The following DLG2 variants were observed in gnomAD, a reference collection of about 807,000 sequenced individuals.
DLG2 encodes the protein discs large MAGUK scaffold protein 2, also known as disks large homolog 2.
Under a neutral mutation model 132.5 loss-of-function variants are expected in DLG2, and 45 were observed. The ratio of observed to expected loss-of-function variants is 0.34; its 90% CI spans 0.27 to 0.44. The LOEUF (loss-of-function observed/expected upper bound fraction) is 0.44, where lower values mean the gene tolerates loss of function less well. DLG2 is among the 20% of genes least tolerant of loss of function. The pLI is 1.00. For synonymous variants in DLG2, 424 were observed against 419.6 expected (o/e 1.01, Z -0.13); for missense variants, 1,045 against 1,196.9 (o/e 0.87, Z 1.87).
At position 85,469,019 on chromosome 11, in the gene DLG2, AAT is replaced by A. The variant is rs1271786718; in HGVS notation, c.40+129636_40+129637del. On this transcript the variant is annotated intron_variant, in intron 3 of 27. Coordinates refer to ENST00000376104, the MANE Select transcript of DLG2 (RefSeq NM_001142699.3). ...CACTCTTTCCTTTATTACTCCATTC[AAT>A]ATATGTTTATTGAGTGCACGTACTC... 2.0e-5 allele frequency among the ~76,000 whole-genome samples: 3 copies of A among 152,300 alleles called. No homozygotes were observed. The East Asian group carries it at 5.8e-4, about 29-fold the overall frequency.
At chr11:84,414,710 C>T (rs996759255) in intron 7 of DLG2, among the ~76,000 whole-genome samples, 4 of 152,048 alleles carry the variant, frequency 2.6e-5, no homozygotes, top group South Asian at 2.1e-4. Context: ...TAATATTATG[C>T]GACTATTTAC....
intron 5 of DLG2, among the ~76,000 whole-genome samples, chr11:85,148,953 A>T (rs1469337931): frequency 6.6e-6 from 1 of 152,176 alleles, no homozygotes; most frequent in Non-Finnish European, 1.5e-5. Flanking sequence ...GTCAAGTTTC[A>T]GTTTTCTGCC....
intron 6 of DLG2, among the ~76,000 whole-genome samples, chr11:84,698,508 C>A (rs566086810): frequency 6.6e-6 from 1 of 151,412 alleles, no homozygotes; most frequent in Admixed American, 6.6e-5. Flanking sequence ...AAAATACAAT[C>A]GACTTTTTGG....
At chr11:83,809,744 T>A (rs989679502) in intron 17 of DLG2, among the ~76,000 whole-genome samples, 2 of 152,104 alleles carry the variant, frequency 1.3e-5, no homozygotes, top group African/African-American at 2.4e-5. Context: ...CTTAAAAGTA[T>A]GAAATAAGTA....
intron 6 of DLG2, among the ~76,000 whole-genome samples, chr11:85,097,544 C>A (rs190795243): frequency 3.9e-4 from 59 of 152,312 alleles, no homozygotes; most frequent in African/African-American, 1.4e-3. Flanking sequence ...AAGACTCAGG[C>A]TGTTTAACAA....
At chr11:84,640,183 C>A (rs566989943) in intron 6 of DLG2, 14 of 267,380 alleles carry the variant, frequency 5.2e-5, no homozygotes, top group African/African-American at 2.6e-4. Context: ...ACAGAAAAGA[C>A]CTGGCTACTG....
At chr11:83,903,013 T>A (rs931387938) in intron 15 of DLG2, among the ~76,000 whole-genome samples, 1 of 152,158 alleles carries the variant, frequency 6.6e-6, no homozygotes, top group Non-Finnish European at 1.5e-5. Flanking sequence ...ATACAACAAA[T>A]CATATCTCCA....
chr11:84,402,878 T>C (rs1435977350), intron 7 of DLG2, among the ~76,000 whole-genome samples: 2 of 35,536 alleles, frequency 5.6e-5, no homozygotes, highest in Non-Finnish European at 9.7e-5. Flanking sequence ...CGAAACTCCG[T>C]CTCAAAAAAA....
chr11:85,481,965 C>T (rs1286932413), intron 3 of DLG2, among the ~76,000 whole-genome samples: 1 of 152,100 alleles, frequency 6.6e-6, no homozygotes, highest in African/African-American at 2.4e-5. Context: ...GTCTACAGAG[C>T]AAATTTGAGC....
intron 3 of DLG2, among the ~76,000 whole-genome samples, chr11:85,361,518 G>C (rs547130953): frequency 6.6e-6 from 1 of 152,036 alleles, no homozygotes; most frequent in East Asian, 1.9e-4. Flanking sequence ...CCATGTGTAC[G>C]CATTGTTTAG....
At chr11:83,921,523 G>A (rs2077909128) in intron 15 of DLG2, among the ~76,000 whole-genome samples, 1 of 152,118 alleles carries the variant, frequency 6.6e-6, no homozygotes, top group Admixed American at 6.6e-5. Flanking sequence ...TTCTGGAATA[G>A]CGCATAGCAC....
intron 9 of DLG2, among the ~76,000 whole-genome samples, chr11:84,114,166 T>A (rs1339149939): frequency 1.3e-5 from 2 of 152,008 alleles, no homozygotes; most frequent in African/African-American, 2.4e-5. Context: ...TTATAAAAAA[T>A]TTCAGTTTTA....
chr11:85,252,463 G>T (rs2076444629), intron 4 of DLG2, among the ~76,000 whole-genome samples: 1 of 152,174 alleles, frequency 6.6e-6, no homozygotes, highest in Admixed American at 6.6e-5. Context: ...GCACACACCT[G>T]TAGTCCCAGA....
At chr11:85,522,831 C>T (rs2074423269) in intron 3 of DLG2, among the ~76,000 whole-genome samples, 1 of 152,206 alleles carries the variant, frequency 6.6e-6, no homozygotes, top group African/African-American at 2.4e-5. Context: ...TAGGAAGTAT[C>T]TAACTTGCTT....
chr11:84,662,845 C>T (rs2099696010), intron 6 of DLG2, among the ~76,000 whole-genome samples: 1 of 149,654 alleles, frequency 6.7e-6, no homozygotes. Flanking sequence ...TGATTAGATC[C>T]TTCCAGTCAG....
At chr11:85,453,433 A>C in intron 3 of DLG2, 1 of 161,062 alleles carries the variant, frequency 6.2e-6, no homozygotes, top group Non-Finnish European at 1.4e-5. Context: ...AAAGGGACAC[A>C]TAATCAGAAA....
At chr11:84,729,984 C>T (rs907530076) in intron 6 of DLG2, among the ~76,000 whole-genome samples, 2 of 151,994 alleles carry the variant, frequency 1.3e-5, no homozygotes, top group Non-Finnish European at 1.5e-5. Context: ...TGTCCCCTCA[C>T]AATTTTGCCT....
At chr11:83,536,003 C>T (rs2095868807) in intron 20 of DLG2, among the ~76,000 whole-genome samples, 2 of 152,146 alleles carry the variant, frequency 1.3e-5, no homozygotes, top group African/African-American at 4.8e-5. Flanking sequence ...GTTTGGGAAA[C>T]AGCATTCAGG....
intron 7 of DLG2, among the ~76,000 whole-genome samples, chr11:84,386,251 TTTTA>T (rs1337149330): frequency 1.8e-4 from 28 of 152,248 alleles, no homozygotes; most frequent in African/African-American, 6.5e-4. Context: ...ACCTCTAATT[TTTTA>T]TTTGTCAACT....
Sources: allele counts gnomAD v4.1 joint callset (sites outside exome capture counted in the v4.1 genomes callset), GRCh38; gene constraint gnomAD v4.1.1; transcripts MANE v1.5; gene names NCBI Gene and HGNC (gene_info 2026-07-23, HGNC 2026-07-21).